LZTFL1: variants seen among roughly 807,000 people sequenced by gnomAD.
LZTFL1 encodes leucine zipper transcription factor-like protein 1.
A neutral mutation model predicts 45.9 loss-of-function variants in LZTFL1; 25 were observed. That is an observed-to-expected ratio of 0.54 (90% CI 0.40 to 0.76). The LOEUF is 0.76. LZTFL1 is among the 30% of genes least tolerant of loss of function. LZTFL1 has a pLI of 0.00. For synonymous variants in LZTFL1, 93 were observed against 117.4 expected, an observed-to-expected ratio of 0.79 and a Z score of 1.35; for missense variants, 277 against 331.1, an observed-to-expected ratio of 0.84 and a Z score of 1.27.
chr3:45,885,227 G>A (rs1701948370), intron 2 of LZTFL1, among the ~76,000 whole-genome samples: 2 of 152,148 alleles, frequency 1.3e-5, no homozygotes, highest in African/African-American at 4.8e-5. Context: ...ACACCAAGAG[G>A]TGGAAATTAA....
chr3:45,863,299 A>G (rs1199298447), intron 2 of LZTFL1, among the ~76,000 whole-genome samples: 1 of 152,202 alleles, frequency 6.6e-6, no homozygotes, highest in Non-Finnish European at 1.5e-5. Context: ...TAATCTTGCA[A>G]TTCCTAATGA....
intron 2 of LZTFL1, among the ~76,000 whole-genome samples, chr3:45,886,227 C>A (rs1701976828): frequency 3.3e-5 from 5 of 152,086 alleles, no homozygotes; most frequent in Admixed American, 3.3e-4. Flanking sequence ...TCAGTGTGCA[C>A]CTCTGGCAAG....
chr3:45,878,934 G>C (rs1701801273), intron 2 of LZTFL1, among the ~76,000 whole-genome samples: 1 of 152,174 alleles, frequency 6.6e-6, no homozygotes, highest in Admixed American at 6.5e-5. Context: ...AAATACATTC[G>C]ACATCATAGG....
chr3:45,836,237 T>C (rs2125687574), intron 2 of LZTFL1, among the ~76,000 whole-genome samples: 1 of 152,318 alleles, frequency 6.6e-6, no homozygotes, highest in East Asian at 1.9e-4. Context: ...ATGGTAATTA[T>C]ATATATTGCT....
In LZTFL1 at chr3:45,827,425, T is replaced by C. The variant is rs1422916311; in HGVS notation, c.812A>G (p.Tyr271Cys). ...LEKKFQQTAA[Y>C]RNMKEILTKK... is the part of the protein sequence containing the mutation. ...GGTAAGAATCTCTTTCATGTTTCGA[T>C]AAGCTGCTGTTTGCTGAAATTTCTT... Residue 271 changes from tyrosine to cysteine, a missense_variant, in exon 9 of 10, where the codon TAT becomes TGT. Physicochemically the swap from Tyr to Cys is radical, Grantham distance 194 (BLOSUM62 -2). Transcript: ENST00000296135. 6.2e-6 allele frequency: 10 copies of C among 1,613,858 alleles called. 1 individual carries two copies. Among genetic ancestry groups the C allele is most frequent in the Admixed American group, 1.7e-5 (1 of 60,028 alleles).
At chr3:45,860,198 C>A (rs557658584) in intron 2 of LZTFL1, among the ~76,000 whole-genome samples, 196 of 151,938 alleles carry the variant, frequency 1.3e-3, no homozygotes, top group African/African-American at 4.6e-3. Context: ...GGCGACAGAG[C>A]CAGACACTGT....
At chr3:45,853,816 A>T (rs1272869107) in intron 4 of LZTFL1, among the ~76,000 whole-genome samples, 3 of 152,086 alleles carry the variant, frequency 2.0e-5, no homozygotes, top group Non-Finnish European at 4.4e-5. Context: ...TGCTAAACCA[A>T]CCCTTTCTTT....
chr3:45,851,088 C>T (rs542658279), intron 4 of LZTFL1, among the ~76,000 whole-genome samples: 19 of 152,292 alleles, frequency 1.2e-4, no homozygotes, highest in African/African-American at 3.8e-4. Context: ...CCATCATAGC[C>T]AGCAGCTGTT....
chr3:45,858,862 T>A (rs548124403), intron 3 of LZTFL1: 4 of 152,324 alleles, frequency 2.6e-5, no homozygotes, highest in Admixed American at 1.3e-4. Context: ...TTATGAGATG[T>A]TTGCCACAGA....
intron 5 of LZTFL1, among the ~76,000 whole-genome samples, chr3:45,831,489 T>G (rs1700815834): frequency 6.6e-6 from 1 of 152,234 alleles, no homozygotes; most frequent in African/African-American, 2.4e-5. Context: ...CAGCCTACAC[T>G]GCACACTGTT....
intron 2 of LZTFL1, among the ~76,000 whole-genome samples, chr3:45,867,780 G>T (rs1701601553): frequency 6.6e-6 from 1 of 152,086 alleles, no homozygotes; most frequent in South Asian, 2.1e-4. Flanking sequence ...GGAGGTCAAG[G>T]CTGCAGTGAG....
intron 1 of LZTFL1, among the ~76,000 whole-genome samples, chr3:45,839,735 C>T (rs569857662): frequency 6.6e-6 from 1 of 152,196 alleles, no homozygotes; most frequent in Non-Finnish European, 1.5e-5. Flanking sequence ...TGGCTGATTT[C>T]AAGCCACCAA....
At chr3:45,866,413 C>T (rs186534457) in intron 2 of LZTFL1, among the ~76,000 whole-genome samples, 55 of 152,164 alleles carry the variant, frequency 3.6e-4, no homozygotes, top group Middle Eastern at 3.4e-3. Flanking sequence ...AAACCGTTAA[C>T]ATTTTGGGGC....
At chr3:45,851,686 C>T (rs531103053) in intron 4 of LZTFL1, among the ~76,000 whole-genome samples, 2 of 151,926 alleles carry the variant, frequency 1.3e-5, no homozygotes, top group Non-Finnish European at 2.9e-5. Context: ...TGGATTCCAA[C>T]CTTAAATTTT....
Position 45,901,739 on chromosome 3 carries a change from T to C in LZTFL1, c.-215+11381A>G, listed in dbSNP as rs772773310. On this transcript the variant is annotated intron_variant, in intron 2 of 4. Transcript: ENST00000472635. This position sits in a 1 kb window ranked among gnomAD's most constrained non-coding sequence, Gnocchi z 4.3. ...ACAGTTGCCTGAACCCTGTTCTCTA[T>C]GTTTTTGTGGGTGAGAGATTCCGCC... is the stretch of plus-strand genomic sequence containing the variant. The C allele has an allele frequency of 1.9e-6, 3 of 1,614,228 alleles. No homozygotes were observed. The highest frequency in any genetic ancestry group is 2.2e-5 in the East Asian group (1 of 44,884).
chr3:45,889,191 C>T (rs1209429155), intron 2 of LZTFL1, among the ~76,000 whole-genome samples: 1 of 152,080 alleles, frequency 6.6e-6, no homozygotes, highest in Non-Finnish European at 1.5e-5. Context: ...TGCTCTGTTG[C>T]CCAGGCTGAT....
intron 4 of LZTFL1, among the ~76,000 whole-genome samples, chr3:45,847,566 T>G (rs1701237764): frequency 6.6e-6 from 1 of 152,170 alleles, no homozygotes; most frequent in African/African-American, 2.4e-5. Flanking sequence ...AAAAGAAAAC[T>G]TTAAAAGTCA....
At chr3:45,897,397 C>T (rs1281375385) in intron 2 of LZTFL1, among the ~76,000 whole-genome samples, 1 of 152,196 alleles carries the variant, frequency 6.6e-6, no homozygotes, top group Non-Finnish European at 1.5e-5. Flanking sequence ...TAATTCTCAC[C>T]CAGCAGAAAA....
At chr3:45,907,102 T>G (rs1444871995) in intron 2 of LZTFL1, among the ~76,000 whole-genome samples, 1 of 152,102 alleles carries the variant, frequency 6.6e-6, no homozygotes, top group Non-Finnish European at 1.5e-5. Context: ...CCATGGCCGG[T>G]GGTCTGCAGG....
Sources: gnomAD v4.1 joint callset for allele counts (sites outside exome capture counted in the v4.1 genomes callset) on GRCh38, gnomAD v4.1.1 for gene constraint, Gnocchi (gnomAD v3.1) non-coding constraint, MANE v1.5 for transcripts, NCBI Gene and HGNC (gene_info 2026-07-23, HGNC 2026-07-21) for gene names.